Variants in PTPRD observed in about 807,000 individuals in gnomAD.
PTPRD encodes the protein protein tyrosine phosphatase receptor type D, also known as receptor-type tyrosine-protein phosphatase delta.
Under a neutral mutation model 214.5 loss-of-function variants are expected in PTPRD, and 34 were observed. The observed-to-expected ratio is 0.16, with a 90% CI of 0.12 to 0.21. PTPRD has a LOEUF of 0.21. Among genes scored for constraint, PTPRD ranks in the 10% least tolerant of loss-of-function variants. PTPRD has a pLI of 1.00. For missense variants in PTPRD, 2,545 were observed against 2,398.7 expected (o/e 1.06, Z -1.27); for synonymous variants, 1,128 against 845.7 (o/e 1.33, Z -5.79).
At chr9:9,825,072 T>A (rs1185390126) in intron 5 of PTPRD, among the ~76,000 whole-genome samples, 1 of 151,986 alleles carries the variant, frequency 6.6e-6, no homozygotes, top group Non-Finnish European at 1.5e-5. Context: ...TTAATTAATG[T>A]CTAGTTTCAA....
intron 3 of PTPRD, among the ~76,000 whole-genome samples, chr9:10,125,931 A>C (rs1444784723): frequency 6.6e-6 from 1 of 152,198 alleles, no homozygotes; most frequent in African/African-American, 2.4e-5. Flanking sequence ...TTGTGTGACC[A>C]AGAAAACTAA....
At chr9:8,350,793 A>C (rs1198772347) in intron 39 of PTPRD, among the ~76,000 whole-genome samples, 1 of 152,188 alleles carries the variant, frequency 6.6e-6, no homozygotes, top group Non-Finnish European at 1.5e-5. Flanking sequence ...AAATGAAAAA[A>C]AATTGAACAA....
intron 11 of PTPRD, among the ~76,000 whole-genome samples, chr9:8,768,709 T>A (rs1431500651): frequency 6.6e-6 from 1 of 152,194 alleles, no homozygotes; most frequent in Non-Finnish European, 1.5e-5. Context: ...AAAACTTACT[T>A]TCCTTCTAAT....
chr9:10,297,926 G>T (rs2095733360), intron 3 of PTPRD, among the ~76,000 whole-genome samples: 1 of 152,006 alleles, frequency 6.6e-6, no homozygotes. Context: ...TGCTACTATG[G>T]TGGCTATTTC....
At chr9:8,812,721 G>C (rs1009271506) in intron 11 of PTPRD, among the ~76,000 whole-genome samples, 1 of 151,772 alleles carries the variant, frequency 6.6e-6, no homozygotes, top group Non-Finnish European at 1.5e-5. Context: ...ACTCTGGAGA[G>C]GAGGACTCGG....
At chr9:9,882,935 C>T (rs977570485) in intron 5 of PTPRD, among the ~76,000 whole-genome samples, 2 of 152,064 alleles carry the variant, frequency 1.3e-5, no homozygotes, top group African/African-American at 4.8e-5. Context: ...GAGTCTGAAA[C>T]CTCCCTTCTC....
chr9:9,064,912 A>G (rs192154109), intron 10 of PTPRD, among the ~76,000 whole-genome samples: 36 of 152,360 alleles, frequency 2.4e-4, no homozygotes, highest in Non-Finnish European at 3.1e-4. Context: ...TCCAATTTCA[A>G]ATTTTAAAAC....
At chr9:9,066,554 C>A (rs77583950) in intron 10 of PTPRD, among the ~76,000 whole-genome samples, 12,109 of 128,740 alleles carry the variant, frequency 0.094, 725 homozygotes, top group African/African-American at 0.18. Context: ...CCAACAACAA[C>A]AACAACAAAA....
chr9:9,056,696 A>T (rs1297823958), intron 10 of PTPRD, among the ~76,000 whole-genome samples: 2 of 152,194 alleles, frequency 1.3e-5, no homozygotes, highest in African/African-American at 2.4e-5. Context: ...CTTATAAGCC[A>T]TTCAACGACA....
chr9:8,948,439 A>ATATATATATTTATATATATATATT (rs1567181539), intron 11 of PTPRD, among the ~76,000 whole-genome samples: 52 of 4,860 alleles, frequency 0.011, 12 homozygotes, highest in East Asian at 0.077. Flanking sequence ...ATATATATTT[A>ATATATATATTTATATATATATATT]CATATATATA....
At chr9:8,806,086 G>C (rs1337329708) in intron 11 of PTPRD, among the ~76,000 whole-genome samples, 3 of 151,516 alleles carry the variant, frequency 2.0e-5, no homozygotes, top group Non-Finnish European at 2.9e-5. Context: ...ACTATGCCCA[G>C]CTAATTTTTT....
At chr9:10,341,671 T>C (rs1490732173) in intron 2 of PTPRD, among the ~76,000 whole-genome samples, 3 of 151,992 alleles carry the variant, frequency 2.0e-5, no homozygotes, top group Non-Finnish European at 4.4e-5. Flanking sequence ...GTTTTAACAT[T>C]GTAACATTAT....
intron 8 of PTPRD, among the ~76,000 whole-genome samples, chr9:9,403,046 T>A (rs1296186706): frequency 6.7e-6 from 1 of 149,880 alleles, no homozygotes; most frequent in Non-Finnish European, 1.5e-5. Context: ...TCCCAGCACT[T>A]TGGCAGCCAA....
At chr9:9,883,438 G>A (rs1328729317) in intron 5 of PTPRD, among the ~76,000 whole-genome samples, 1 of 152,108 alleles carries the variant, frequency 6.6e-6, no homozygotes, top group East Asian at 1.9e-4. Context: ...TGAAGAGGAG[G>A]TCAACTAGGA....
intron 11 of PTPRD, among the ~76,000 whole-genome samples, chr9:8,862,486 A>G (rs1217220243): frequency 6.6e-6 from 1 of 152,210 alleles, no homozygotes; most frequent in Non-Finnish European, 1.5e-5. Flanking sequence ...TACCAGTAAC[A>G]TTGCATGCTT....
At chr9:9,518,622 G>A (rs2096891792) in intron 8 of PTPRD, among the ~76,000 whole-genome samples, 3 of 151,944 alleles carry the variant, frequency 2.0e-5, no homozygotes, top group Non-Finnish European at 4.4e-5. Flanking sequence ...GCAAAAACCT[G>A]GGACCCGAAA....
Position 10,436,793 on chromosome 9 carries a change from G to C in PTPRD, c.-599-95776C>G, listed in dbSNP as rs184087130. Among the ~76,000 whole-genome samples the C allele has an allele frequency of 2.5e-3, 386 of 151,832 alleles. 3 individuals carry two copies. The highest frequency in any genetic ancestry group is 2.0e-3 in the Non-Finnish European group (133 of 67,836). ...TGACAGGTTTTCTGTCCACGAGCTT[G>C]TCAAACATTCCTCATGATTGCCATG... is the stretch of plus-strand genomic sequence containing the variant. On this transcript the variant is annotated intron_variant, in intron 2 of 45. Transcript: ENST00000381196.
chr9:8,330,323 C>T (rs1447573088), intron 44 of PTPRD, among the ~76,000 whole-genome samples: 5 of 152,044 alleles, frequency 3.3e-5, no homozygotes, highest in Admixed American at 6.6e-5. Context: ...ATCTTTCCAG[C>T]TCTTGTAAGT....
intron 14 of PTPRD, among the ~76,000 whole-genome samples, chr9:8,556,747 T>TA (rs535600886): frequency 1.2e-3 from 175 of 151,870 alleles, no homozygotes; most frequent in African/African-American, 4.0e-3. Flanking sequence ...TTTTGACAGG[T>TA]AAAAAAAGTG....
Sources: allele counts gnomAD v4.1 joint callset (sites outside exome capture counted in the v4.1 genomes callset), GRCh38; gene constraint gnomAD v4.1.1; transcripts MANE v1.5; gene names NCBI Gene and HGNC (gene_info 2026-07-23, HGNC 2026-07-21).